Variants in THSD4 observed in about 807,000 individuals in gnomAD.
The protein encoded by THSD4 is thrombospondin type-1 domain-containing protein 4.
In THSD4, 69 loss-of-function variants were observed where a neutral mutation model predicts 119.0. The ratio of observed to expected loss-of-function variants is 0.58; its 90% CI spans 0.48 to 0.71. THSD4 has a LOEUF of 0.71. Among genes scored for constraint, THSD4 ranks in the 30% least tolerant of loss-of-function variants. THSD4 has a pLI of 0.00. For synonymous variants in THSD4, 524 were observed against 540.4 expected (o/e 0.97, Z 0.42); for missense variants, 1,393 against 1,391.1 (o/e 1.00, Z -0.02).
At chr15:71,365,991 A>T (rs1453778139) in intron 6 of THSD4, among the ~76,000 whole-genome samples, 1 of 152,188 alleles carries the variant, frequency 6.6e-6, no homozygotes, top group Non-Finnish European at 1.5e-5. Flanking sequence ...AACTTCTCTC[A>T]GGTGAGAAGA....
intron 14 of THSD4, among the ~76,000 whole-genome samples, chr15:71,753,717 C>T (rs910153395): frequency 1.3e-4 from 20 of 152,194 alleles, no homozygotes; most frequent in African/African-American, 4.8e-4. Flanking sequence ...GTCCCCACTC[C>T]CTGGTAGGGA....
At chr15:71,717,235 AGGCTCCAGAGGCCTAGG>A (rs2052627460) in intron 8 of THSD4, among the ~76,000 whole-genome samples, 3 of 152,218 alleles carry the variant, frequency 2.0e-5, no homozygotes, top group Non-Finnish European at 2.9e-5. Context: ...ATTTAAAACC[AGGCTCCAGAGGCCTAGG>A]GGATTGGCTA....
intron 6 of THSD4, among the ~76,000 whole-genome samples, chr15:71,311,353 T>C (rs1366321148): frequency 1.3e-5 from 2 of 152,196 alleles, no homozygotes; most frequent in Non-Finnish European, 2.9e-5. Context: ...AATGTCATCT[T>C]AGAAGGGGAT....
At chr15:71,665,101 A>T (rs923909992) in intron 8 of THSD4, among the ~76,000 whole-genome samples, 1 of 152,140 alleles carries the variant, frequency 6.6e-6, no homozygotes, top group Non-Finnish European at 1.5e-5. Flanking sequence ...AAATATTTAC[A>T]TTTCCAGCAA....
At chr15:71,771,021 G>A (rs1248774183) in intron 16 of THSD4, 43 bp from the exon 17 acceptor site, 5 of 1,603,502 alleles carry the variant, frequency 3.1e-6, no homozygotes, top group South Asian at 1.1e-5. Context: ...CTGAGCTATT[G>A]GTCTGCCCAA....
intron 8 of THSD4, among the ~76,000 whole-genome samples, chr15:71,724,266 G>GATAGATATATATATATATATATATATAT (rs2052778888): frequency 1.3e-5 from 1 of 74,582 alleles, no homozygotes; most frequent in Non-Finnish European, 3.1e-5. Context: ...TCTATGATGG[G>GATAGATATATATATATATATATATATAT]ATATATATAT....
chr15:71,573,661 G>A (rs1382229954), intron 7 of THSD4, among the ~76,000 whole-genome samples: 2 of 152,138 alleles, frequency 1.3e-5, no homozygotes, highest in East Asian at 1.9e-4. Context: ...TTGGGGAATA[G>A]GATAATCTAA....
chr15:71,757,689 T>G (rs1427550011), intron 14 of THSD4, among the ~76,000 whole-genome samples: 1 of 152,114 alleles, frequency 6.6e-6, no homozygotes, highest in Non-Finnish European at 1.5e-5. Flanking sequence ...TATTTGGAAT[T>G]TGGAATGAAG....
intron 7 of THSD4, among the ~76,000 whole-genome samples, chr15:71,587,756 T>A (rs1318784156): frequency 1.6e-5 from 1 of 60,778 alleles, no homozygotes; most frequent in South Asian, 4.9e-4. Flanking sequence ...ACATGTACCC[T>A]AAAACTTAGA....
intron 7 of THSD4, among the ~76,000 whole-genome samples, chr15:71,486,240 G>A (rs977166621): frequency 2.0e-5 from 3 of 152,020 alleles, no homozygotes; most frequent in Non-Finnish European, 4.4e-5. Context: ...CTGCCTCATT[G>A]GAGATATTAA....
intron 3 of THSD4, among the ~76,000 whole-genome samples, chr15:71,211,333 G>A (rs2043886838): frequency 6.6e-6 from 1 of 152,168 alleles, no homozygotes; most frequent in African/African-American, 2.4e-5. Flanking sequence ...CTGGAGGCTG[G>A]GAAGTCCAAG....
chr15:71,613,016 C>T (rs568100859), intron 7 of THSD4, among the ~76,000 whole-genome samples: 1 of 152,308 alleles, frequency 6.6e-6, no homozygotes, highest in Admixed American at 6.5e-5. Flanking sequence ...TTTGTGGAGT[C>T]TGCTTCCTTA....
At chr15:71,391,404 C>T (rs1369247152) in intron 6 of THSD4, among the ~76,000 whole-genome samples, 1 of 152,132 alleles carries the variant, frequency 6.6e-6, no homozygotes, top group African/African-American at 2.4e-5. Flanking sequence ...TCTTGAGCTG[C>T]AAGCCTCAAG....
chr15:71,241,187 A>C (rs917002160), intron 4 of THSD4, among the ~76,000 whole-genome samples: 1 of 152,184 alleles, frequency 6.6e-6, no homozygotes, highest in African/African-American at 2.4e-5. Flanking sequence ...ATTTTACGTA[A>C]ATGTAGAATT....
Position 71,443,973 on chromosome 15 carries a change from ATCTG to A in THSD4, c.1152+32158_1152+32161del, listed in dbSNP as rs1053584920. Among the ~76,000 whole-genome samples, 23 of 152,346 alleles carry A rather than the reference ATCTG, an allele frequency of 1.5e-4. 1 individual carries two copies. Among genetic ancestry groups the A allele is most frequent in the Middle Eastern group, 3.4e-3 (1 of 294 alleles). ...CATAGGTGCTGCTTCTCAGTGGAAA[ATCTG>A]TCTGTCTCATGGTTATCCAAGGCTG... On this transcript the variant is annotated intron_variant, in intron 7 of 17. Coordinates refer to ENST00000261862, the MANE Select transcript of THSD4 (RefSeq NM_024817.3).
Position 71,561,044 on chromosome 15 carries a change from G to A in THSD4, c.1153-99486G>A, listed in dbSNP as rs145830109. ...GCCTGGAGTGCAGTGGCACAATCTC[G>A]GCTCACTGCAAGCTCCGCCTCCCGG... On this transcript the variant is annotated intron_variant, in intron 7 of 17. Coordinates refer to ENST00000261862, the MANE Select transcript of THSD4 (RefSeq NM_024817.3). 5.5e-3 allele frequency among the ~76,000 whole-genome samples: 821 copies of A among 148,738 alleles called. 22 individuals carry two copies. Among genetic ancestry groups the A allele is most frequent in the East Asian group, 0.051 (256 of 5,008 alleles).
At chr15:71,735,114 A>C (rs1416848826) in intron 10 of THSD4, among the ~76,000 whole-genome samples, 1 of 152,048 alleles carries the variant, frequency 6.6e-6, no homozygotes, top group Non-Finnish European at 1.5e-5. Context: ...ACACACACAT[A>C]TTCTCACTCC....
At chr15:71,700,582 A>T (rs879480991) in intron 8 of THSD4, among the ~76,000 whole-genome samples, 1 of 152,146 alleles carries the variant, frequency 6.6e-6, no homozygotes, top group Non-Finnish European at 1.5e-5. Flanking sequence ...TTTAAAATTC[A>T]TCTAGAAGAG....
At chr15:71,290,083 T>C (rs575307390) in intron 6 of THSD4, among the ~76,000 whole-genome samples, 1 of 152,200 alleles carries the variant, frequency 6.6e-6, no homozygotes, top group African/African-American at 2.4e-5. Context: ...CAGCAGTAGA[T>C]GGAATCGGGA....
Sources: allele counts gnomAD v4.1 joint callset (sites outside exome capture counted in the v4.1 genomes callset), GRCh38; gene constraint gnomAD v4.1.1; transcripts MANE v1.5; gene names NCBI Gene and HGNC (gene_info 2026-07-23, HGNC 2026-07-21).